Variants in GRID1 observed in about 807,000 individuals in gnomAD.
GRID1 encodes glutamate ionotropic receptor delta type subunit 1, also known as glutamate receptor ionotropic, delta-1.
A neutral mutation model predicts 98.0 loss-of-function variants in GRID1; 28 were observed. That is an observed-to-expected ratio of 0.29 (90% confidence interval 0.21 to 0.39). The LOEUF is 0.39. GRID1 is among the 10% of genes least tolerant of loss of function. The pLI is 1.00. For synonymous variants in GRID1, 553 were observed against 538.5 expected (o/e 1.03, Z -0.37); for missense variants, 1,111 against 1,340.5 (o/e 0.83, Z 2.67).
intron 4 of GRID1, among the ~76,000 whole-genome samples, chr10:85,990,951 C>T (rs536313018): frequency 6.6e-6 from 1 of 152,202 alleles, no homozygotes; most frequent in Non-Finnish European, 1.5e-5. Context: ...AGTTCATGTT[C>T]ATTTTACCCC....
chr10:85,773,853 T>C (rs1842300057), intron 8 of GRID1, among the ~76,000 whole-genome samples: 1 of 152,220 alleles, frequency 6.6e-6, no homozygotes, highest in South Asian at 2.1e-4. Flanking sequence ...GAACATTCCA[T>C]GCTCATGGCT....
rs923399103 is a variant in GRID1, at chr10:85,601,900, TC to T, written c.*372del. The T allele has an allele frequency of 2.1e-5, 4 of 191,120 alleles. No individual in the cohort carries two copies. Among genetic ancestry groups the T allele is most frequent in the Non-Finnish European group, 4.3e-5 (4 of 93,928 alleles). 11.8% of individuals were successfully genotyped at this position (191,120 alleles called of 1,614,324 possible). A position where few individuals can be genotyped will look rare whatever the true frequency, so the allele number is the denominator to read the frequency against. ...ATGTGGGGTTCCTCGTCTTCCCTTC[TC>T]CCCCAGCAGAGAGGGGCTCCTTATC... On this transcript the variant is annotated 3_prime_UTR_variant, in exon 16 of 16. Transcript: ENST00000327946.
intron 2 of GRID1, among the ~76,000 whole-genome samples, chr10:86,362,761 T>G (rs1431005740): frequency 6.6e-6 from 1 of 152,184 alleles, no homozygotes; most frequent in Non-Finnish European, 1.5e-5. Context: ...ATCCTGTCCT[T>G]GCAGGCACCG....
intron 8 of GRID1, among the ~76,000 whole-genome samples, chr10:85,822,035 T>A (rs906255522): frequency 6.6e-6 from 1 of 152,138 alleles, no homozygotes; most frequent in African/African-American, 2.4e-5. Flanking sequence ...CAAAAATTAA[T>A]TCAAGATGGA....
At position 86,285,296 on chromosome 10, in the gene GRID1, C is replaced by G. The variant is rs75909724; in HGVS notation, c.235+78645G>C. On this transcript the variant is annotated intron_variant, in intron 2 of 15. Transcript: ENST00000327946. ...TCCCGCCTCTGTCTCAGGCTGCTAG[C>G]AGGGACTTCCTGGATGGCATGCTGA... Among the ~76,000 whole-genome samples, 419 of 152,340 alleles carry G rather than the reference C, an allele frequency of 2.8e-3. 1 individual carries two copies. The highest frequency in any genetic ancestry group is 9.2e-3 in the African/African-American group (383 of 41,572).
chr10:86,231,775 A>G (rs998319561), intron 2 of GRID1, among the ~76,000 whole-genome samples: 1 of 152,162 alleles, frequency 6.6e-6, no homozygotes, highest in African/African-American at 2.4e-5. Context: ...TGTGCCTCCT[A>G]TTGTATTTGG....
intron 3 of GRID1, among the ~76,000 whole-genome samples, chr10:86,161,099 G>A (rs1845315346): frequency 2.0e-5 from 3 of 152,178 alleles, no homozygotes; most frequent in Admixed American, 2.0e-4. Context: ...GATAGCACCA[G>A]CAACAACAGA....
At position 85,634,291 on chromosome 10, in the gene GRID1, T is replaced by TCTCTCTCTCTCACA. The variant is rs1162030685; in HGVS notation, c.2193+12910_2193+12911insTGTGAGAGAGAGAG. ...CTCTCTCTCTCTCTCTCTCTCTCTC[T>TCTCTCTCTCTCACA]CACACACACACACACACACACACAG... On this transcript the variant is annotated intron_variant, in intron 13 of 15. Transcript: ENST00000327946. 4.9e-4 allele frequency among the ~76,000 whole-genome samples: 50 copies of TCTCTCTCTCTCACA among 102,986 alleles called. 1 individual carries two copies. Among genetic ancestry groups the TCTCTCTCTCTCACA allele is most frequent in the African/African-American group, 1.6e-3 (40 of 24,432 alleles). The allele number at this position is 102,986 out of a possible 152,430, so 67.6% of individuals were successfully genotyped here.
At chr10:85,873,915 T>C (rs549219771) in intron 5 of GRID1, among the ~76,000 whole-genome samples, 3 of 152,232 alleles carry the variant, frequency 2.0e-5, no homozygotes, top group Non-Finnish European at 2.9e-5. Flanking sequence ...TGGTTGAACA[T>C]TAAGCATTAG....
intron 4 of GRID1, among the ~76,000 whole-genome samples, chr10:85,941,138 G>A (rs1016499646): frequency 6.6e-6 from 1 of 152,194 alleles, no homozygotes; most frequent in African/African-American, 2.4e-5. Flanking sequence ...TAATCAGGAA[G>A]ATATAGGTTC....
In GRID1 at chr10:86,155,935, A is replaced by C. The variant is rs142093841; in HGVS notation, c.521-16911T>G. On this transcript the variant is annotated intron_variant, in intron 3 of 15. Coordinates refer to ENST00000327946, the MANE Select transcript of GRID1 (RefSeq NM_017551.3). Reference sequence around the variant, plus strand: ...GGATGGGTGCAAGGCATCAAGGGTGACCATGCCTGCTGATGGGGAGGACAA... The same window carrying C: ...GGATGGGTGCAAGGCATCAAGGGTGCCCATGCCTGCTGATGGGGAGGACAA... Among the ~76,000 whole-genome samples, 348 of 152,306 alleles carry C rather than the reference A, an allele frequency of 2.3e-3. 2 individuals are homozygous for C. The highest frequency in any genetic ancestry group is 7.8e-3 in the African/African-American group (325 of 41,550).
At chr10:86,288,714 C>T (rs1289208246) in intron 2 of GRID1, among the ~76,000 whole-genome samples, 1 of 152,214 alleles carries the variant, frequency 6.6e-6, no homozygotes, top group African/African-American at 2.4e-5. Flanking sequence ...CGGCAGCACT[C>T]AAATTGCCAG....
intron 8 of GRID1, among the ~76,000 whole-genome samples, chr10:85,830,577 G>T (rs569722876): frequency 6.6e-6 from 1 of 151,732 alleles, no homozygotes; most frequent in Admixed American, 6.6e-5. Flanking sequence ...ATCCAATAAA[G>T]GTCTAATATC....
At chr10:86,061,349 T>C (rs1359485753) in intron 4 of GRID1, among the ~76,000 whole-genome samples, 3 of 152,288 alleles carry the variant, frequency 2.0e-5, no homozygotes, top group African/African-American at 7.2e-5. Context: ...CTCTTCCCTC[T>C]TCCCTGGCCC....
chr10:85,750,132 A>G (rs983382295), intron 8 of GRID1, among the ~76,000 whole-genome samples: 3 of 152,224 alleles, frequency 2.0e-5, no homozygotes, highest in Admixed American at 2.0e-4. Context: ...ATTACCATAA[A>G]TTATAAAGAT....
chr10:85,896,689 C>T (rs915151611), intron 5 of GRID1, among the ~76,000 whole-genome samples: 1 of 152,214 alleles, frequency 6.6e-6, no homozygotes, highest in Non-Finnish European at 1.5e-5. Flanking sequence ...TGCAGTGCAC[C>T]TTTTTATCTA....
intron 4 of GRID1, among the ~76,000 whole-genome samples, chr10:86,012,691 T>C (rs149634151): frequency 6.6e-6 from 1 of 152,016 alleles, no homozygotes; most frequent in Admixed American, 6.6e-5. Flanking sequence ...AGAATAGGAC[T>C]GGGGCTCTTT....
At chr10:85,745,844 T>C (rs780469557) in intron 8 of GRID1, among the ~76,000 whole-genome samples, 14 of 152,126 alleles carry the variant, frequency 9.2e-5, no homozygotes, top group Non-Finnish European at 1.8e-4. Flanking sequence ...GGAAATCAGC[T>C]GCAAAAAGAA....
At chr10:86,020,305 A>T (rs1843032697) in intron 4 of GRID1, among the ~76,000 whole-genome samples, 1 of 152,232 alleles carries the variant, frequency 6.6e-6, no homozygotes, top group Non-Finnish European at 1.5e-5. Context: ...GGAGAGGAGC[A>T]GAAGCAGAGC....
Sources: allele counts gnomAD v4.1 joint callset (sites outside exome capture counted in the v4.1 genomes callset), GRCh38; gene constraint gnomAD v4.1.1; transcripts MANE v1.5; gene names NCBI Gene and HGNC (gene_info 2026-07-23, HGNC 2026-07-21).